Variants in ZMAT4 observed in about 807,000 individuals in gnomAD.
ZMAT4 encodes the protein zinc finger matrin-type 4.
Under a neutral mutation model 28.7 loss-of-function variants are expected in ZMAT4, and 17 were observed. The ratio of observed to expected loss-of-function variants is 0.59; its 90% CI spans 0.41 to 0.89. The LOEUF is 0.89. ZMAT4 is among the 40% of genes least tolerant of loss of function. The pLI is 0.00. For missense variants in ZMAT4, 240 were observed against 283.8 expected, an observed-to-expected ratio of 0.85 and a Z score of 1.11; for synonymous variants, 117 against 109.2, an observed-to-expected ratio of 1.07 and a Z score of -0.44.
At chr8:40,718,733 T>C (rs75383564) in intron 3 of ZMAT4, among the ~76,000 whole-genome samples, 251 of 152,232 alleles carry the variant, frequency 1.6e-3, no homozygotes, top group African/African-American at 5.7e-3. Flanking sequence ...AAAAAATTTG[T>C]AGCACAAAGT....
At chr8:40,683,546 G>C (rs546263417) in intron 4 of ZMAT4, among the ~76,000 whole-genome samples, 2 of 152,176 alleles carry the variant, frequency 1.3e-5, no homozygotes, top group Non-Finnish European at 2.9e-5. Flanking sequence ...TTTCAACTTA[G>C]ATGCTACATT....
intron 3 of ZMAT4, among the ~76,000 whole-genome samples, chr8:40,756,344 T>C (rs1187845066): frequency 1.3e-5 from 2 of 149,180 alleles, no homozygotes; most frequent in African/African-American, 2.5e-5. Context: ...ACAGCTTCCA[T>C]GGAGAAACAC....
At chr8:40,622,373 C>G (rs1186349441) in intron 5 of ZMAT4, among the ~76,000 whole-genome samples, 1 of 152,144 alleles carries the variant, frequency 6.6e-6, no homozygotes, top group Non-Finnish European at 1.5e-5. Flanking sequence ...TAAGGGGAGG[C>G]CCCTCTGAGG....
At chr8:40,732,960 C>T (rs4332118) in intron 3 of ZMAT4, among the ~76,000 whole-genome samples, 17,985 of 150,714 alleles carry the variant, frequency 0.12, 1,522 homozygotes, top group East Asian at 0.38. Context: ...ACCCTCTCAC[C>T]TCACCCTGCC....
chr8:40,626,591 T>C (rs1265725849), intron 5 of ZMAT4, among the ~76,000 whole-genome samples: 2 of 152,228 alleles, frequency 1.3e-5, no homozygotes, highest in Non-Finnish European at 2.9e-5. Flanking sequence ...GCACGATGTC[T>C]GGGGACTTAG....
chr8:40,840,922 T>C (rs922935307), intron 1 of ZMAT4, among the ~76,000 whole-genome samples: 1 of 152,182 alleles, frequency 6.6e-6, no homozygotes, highest in Non-Finnish European at 1.5e-5. Context: ...CTGCTAAAAA[T>C]ATTGTTTCTT....
chr8:40,850,955 G>A (rs1817083366), intron 1 of ZMAT4, among the ~76,000 whole-genome samples: 1 of 152,146 alleles, frequency 6.6e-6, no homozygotes, highest in Non-Finnish European at 1.5e-5. Flanking sequence ...ACTGAGAAAT[G>A]TTTAAAATCT....
At chr8:40,617,873 A>C (rs1051250257) in intron 5 of ZMAT4, among the ~76,000 whole-genome samples, 1 of 152,228 alleles carries the variant, frequency 6.6e-6, no homozygotes, top group East Asian at 1.9e-4. Flanking sequence ...CCCAAGATAC[A>C]TGCAATGTTT....
chr8:40,866,451 A>G (rs869422), intron 1 of ZMAT4, among the ~76,000 whole-genome samples: 33,483 of 152,254 alleles, frequency 0.22, 3,772 homozygotes, highest in Admixed American at 0.25. Context: ...GAATTCATCC[A>G]AACCAAGCAA....
chr8:40,739,864 C>T (rs1159850040), intron 3 of ZMAT4, among the ~76,000 whole-genome samples: 1 of 152,168 alleles, frequency 6.6e-6, no homozygotes, highest in East Asian at 1.9e-4. Context: ...TCTCATTATT[C>T]AGCTCCCACT....
chr8:40,760,793 G>A (rs9918875), intron 3 of ZMAT4, among the ~76,000 whole-genome samples: 44,003 of 147,500 alleles, frequency 0.3, 6,661 homozygotes, highest in Non-Finnish European at 0.32. Flanking sequence ...TCTCTCTCTC[G>A]TGCTTTTGCA....
At chr8:40,822,310 A>G (rs572458274) in intron 2 of ZMAT4, among the ~76,000 whole-genome samples, 3 of 152,366 alleles carry the variant, frequency 2.0e-5, no homozygotes, top group Non-Finnish European at 4.4e-5. Context: ...ATTGCTGGAT[A>G]TACAGAAAAT....
chr8:40,622,407 C>T (rs956014373), intron 5 of ZMAT4, among the ~76,000 whole-genome samples: 1 of 152,148 alleles, frequency 6.6e-6, no homozygotes, highest in Non-Finnish European at 1.5e-5. Context: ...TTTCCAAGAA[C>T]CTGGCATAAC....
intron 1 of ZMAT4, among the ~76,000 whole-genome samples, chr8:40,887,474 G>A (rs1180493475): frequency 6.8e-6 from 1 of 147,650 alleles, no homozygotes; most frequent in Non-Finnish European, 1.5e-5. Flanking sequence ...GAGCGACATA[G>A]CGAGACTTCA....
At chr8:40,693,775 G>GCA (rs1272699002) in intron 4 of ZMAT4, among the ~76,000 whole-genome samples, 1 of 152,164 alleles carries the variant, frequency 6.6e-6, no homozygotes, top group Non-Finnish European at 1.5e-5. Context: ...TAGTAAACAT[G>GCA]CACCCATCTG....
intron 5 of ZMAT4, among the ~76,000 whole-genome samples, chr8:40,652,151 C>T (rs79698589): frequency 8.7e-6 from 1 of 114,612 alleles, no homozygotes; most frequent in African/African-American, 2.9e-5. Context: ...AGGCAACCTA[C>T]AAAATGGGAG....
chr8:40,761,048 G>A (rs1297114167), intron 3 of ZMAT4, among the ~76,000 whole-genome samples: 3 of 152,130 alleles, frequency 2.0e-5, no homozygotes, highest in Non-Finnish European at 2.9e-5. Flanking sequence ...AGAAAGGTGA[G>A]GGTGGGCTGG....
chr8:40,663,653 T>G (rs1808290924), intron 5 of ZMAT4, among the ~76,000 whole-genome samples: 2 of 152,202 alleles, frequency 1.3e-5, no homozygotes, highest in South Asian at 4.1e-4. Context: ...ATGTGGGCTC[T>G]GAAGATCAGA....
intron 1 of ZMAT4, among the ~76,000 whole-genome samples, chr8:40,879,245 G>A (rs1050158165): frequency 6.6e-6 from 1 of 151,330 alleles, no homozygotes; most frequent in African/African-American, 2.4e-5. Flanking sequence ...AACGTGGCCA[G>A]ACCCGAGCTC....
Sources: allele counts gnomAD v4.1 joint callset (sites outside exome capture counted in the v4.1 genomes callset), GRCh38; gene constraint gnomAD v4.1.1; transcripts MANE v1.5; gene names NCBI Gene and HGNC (gene_info 2026-07-23, HGNC 2026-07-21).